Variants in NFILZ observed in about 807,000 individuals in gnomAD.
The protein encoded by NFILZ is NFIL3 like protein.
chr19:8,673,796 A>G (rs1428387534), intron 3 of NFILZ, among the ~76,000 whole-genome samples: 2 of 151,996 alleles, frequency 1.3e-5, no homozygotes, highest in African/African-American at 4.8e-5. Context: ...AGTAGCTAGG[A>G]GTTCTTGTTG....
chr19:8,663,752 G>GTATGTGTGTGTGTATGTGTGTA (rs1568423392), intron 3 of NFILZ, among the ~76,000 whole-genome samples: 12 of 127,752 alleles, frequency 9.4e-5, no homozygotes, highest in African/African-American at 2.9e-4. Flanking sequence ...GTGTGTGTGT[G>GTATGTGTGTGTGTATGTGTGTA]TGTGTGTGTG....
At chr19:8,631,691 C>G (rs2042870264) in intron 1 of NFILZ, among the ~76,000 whole-genome samples, 1 of 152,170 alleles carries the variant, frequency 6.6e-6, no homozygotes, top group Admixed American at 6.5e-5. Flanking sequence ...GCCTTCGTGT[C>G]CAGCCCCTTT....
At chr19:8,660,202 G>A (rs2043023316) in intron 3 of NFILZ, among the ~76,000 whole-genome samples, 1 of 152,204 alleles carries the variant, frequency 6.6e-6, no homozygotes, top group African/African-American at 2.4e-5. Context: ...GCAAGTCGGT[G>A]CATCTCTCTG....
intron 4 of NFILZ, among the ~76,000 whole-genome samples, chr19:8,675,610 A>G (rs1383246111): frequency 1.3e-5 from 2 of 152,158 alleles, no homozygotes; most frequent in Non-Finnish European, 2.9e-5. Flanking sequence ...CCTACAGAAA[A>G]TTTAAAAATA....
chr19:8,666,762 C>G (rs1181478306), intron 3 of NFILZ, among the ~76,000 whole-genome samples: 2 of 151,988 alleles, frequency 1.3e-5, no homozygotes, highest in East Asian at 3.9e-4. Context: ...GAGACAGAAT[C>G]TCACTCTGTT....
intron 3 of NFILZ, among the ~76,000 whole-genome samples, chr19:8,654,231 T>G (rs1383395660): frequency 7.0e-6 from 1 of 143,442 alleles, no homozygotes; most frequent in Non-Finnish European, 1.5e-5. Context: ...AAATTCTGTC[T>G]CAAAACAAAC....
At chr19:8,660,507 G>T (rs1256015646) in intron 3 of NFILZ, among the ~76,000 whole-genome samples, 1 of 151,824 alleles carries the variant, frequency 6.6e-6, no homozygotes, top group African/African-American at 2.4e-5. Flanking sequence ...AAGTAGTATT[G>T]AATTGTGTAT....
At chr19:8,646,228 G>A (rs2042938766) in intron 3 of NFILZ, among the ~76,000 whole-genome samples, 1 of 152,002 alleles carries the variant, frequency 6.6e-6, no homozygotes, top group African/African-American at 2.4e-5. Flanking sequence ...GTAGAGATGG[G>A]GTTTCACCAT....
chr19:8,634,911 A>C (rs7508268), intron 2 of NFILZ, among the ~76,000 whole-genome samples: 18 of 149,654 alleles, frequency 1.2e-4, no homozygotes, highest in African/African-American at 3.5e-4. Flanking sequence ...ACAAAAAAAC[A>C]AAAAAACCAG....
rs1044967266 is a variant in NFILZ, at chr19:8,654,278, A to G, written c.-164+18532A>G. ...AACAAACAAACAAACCAAAAAACCA[A>G]AAACCAAAAACAAAAACCACTTTTA... On this transcript the variant is annotated intron_variant, in intron 3 of 5. Transcript: ENST00000691075. Among the ~76,000 whole-genome samples the G allele has an allele frequency of 1.4e-4, 21 of 149,724 alleles. 1 individual carries two copies. The highest frequency in any genetic ancestry group is 1.8e-4 in the Non-Finnish European group (12 of 67,752).
intron 3 of NFILZ, among the ~76,000 whole-genome samples, chr19:8,636,257 G>C (rs1453807876): frequency 4.6e-5 from 7 of 150,902 alleles, no homozygotes; most frequent in Non-Finnish European, 1.0e-4. Flanking sequence ...AGACCAGCCT[G>C]ACCAACATGG....
intron 3 of NFILZ, among the ~76,000 whole-genome samples, chr19:8,648,209 T>TGCCGG (rs1450434363): frequency 1.4e-5 from 2 of 144,188 alleles, no homozygotes; most frequent in Non-Finnish European, 3.0e-5. Flanking sequence ...AAATAGGGAA[T>TGCCGG]GCCGGGCTTA....
At chr19:8,664,016 C>T (rs186262924) in intron 3 of NFILZ, among the ~76,000 whole-genome samples, 2 of 152,122 alleles carry the variant, frequency 1.3e-5, no homozygotes, top group African/African-American at 4.8e-5. Flanking sequence ...GCCCGTTGGG[C>T]CAGAGACTGT....
At chr19:8,654,033 C>A (rs1483026419) in intron 3 of NFILZ, among the ~76,000 whole-genome samples, 2 of 151,964 alleles carry the variant, frequency 1.3e-5, no homozygotes, top group Non-Finnish European at 2.9e-5. Context: ...GTTTGAGAAC[C>A]AGCCTGGCCA....
rs34354336 is a variant in NFILZ, at chr19:8,657,152, CT to C, written c.-163-17388del. ...CCAAATCTGTGGAGATTGGCGATTGCTTTTTTTTTTTGAGACGGAGTCTCAC... is the reference window on the plus strand; with the variant it reads ...CCAAATCTGTGGAGATTGGCGATTGCTTTTTTTTTTGAGACGGAGTCTCAC... On this transcript the variant is annotated intron_variant, in intron 3 of 5. Coordinates refer to ENST00000691075, the MANE Select transcript of NFILZ (RefSeq NM_001378600.1). Among the ~76,000 whole-genome samples, 185 of 145,088 alleles carry C rather than the reference CT, an allele frequency of 1.3e-3. 1 individual carries two copies. Among genetic ancestry groups the C allele is most frequent in the African/African-American group, 3.0e-3 (118 of 39,742 alleles).
intron 3 of NFILZ, among the ~76,000 whole-genome samples, chr19:8,649,853 G>A (rs782583521): frequency 4.2e-4 from 64 of 151,922 alleles, no homozygotes; most frequent in Non-Finnish European, 5.6e-4. Context: ...GGTAGCTCAC[G>A]CCTGTAATCC....
intron 3 of NFILZ, among the ~76,000 whole-genome samples, chr19:8,638,044 A>G (rs1340748756): frequency 6.6e-6 from 1 of 151,990 alleles, no homozygotes; most frequent in Non-Finnish European, 1.5e-5. Context: ...TGCCAGCATG[A>G]CCTTGCCAGG....
At chr19:8,664,627 G>A (rs1235233607) in intron 3 of NFILZ, among the ~76,000 whole-genome samples, 1 of 152,148 alleles carries the variant, frequency 6.6e-6, no homozygotes, top group Non-Finnish European at 1.5e-5. Context: ...GAGAGTGCAG[G>A]GCCCCGAGGT....
chr19:8,645,967 T>C (rs2042937365), intron 3 of NFILZ, among the ~76,000 whole-genome samples: 1 of 152,234 alleles, frequency 6.6e-6, no homozygotes, highest in East Asian at 1.9e-4. Flanking sequence ...AAAACCACAA[T>C]TAGTTTTGCA....
Sources: gnomAD v4.1 joint callset for allele counts (sites outside exome capture counted in the v4.1 genomes callset) on GRCh38, gnomAD v4.1.1 for gene constraint, MANE v1.5 for transcripts, NCBI Gene and HGNC (gene_info 2026-07-23, HGNC 2026-07-21) for gene names.